The following NBEA variants were observed in gnomAD, a reference collection of about 807,000 sequenced individuals.
NBEA encodes neurobeachin.
A neutral mutation model predicts 343.4 loss-of-function variants in NBEA; 44 were observed. The ratio of observed to expected loss-of-function variants is 0.13; its 90% confidence interval spans 0.10 to 0.16. The LOEUF (loss-of-function observed/expected upper bound fraction) is 0.16. NBEA is among the 10% of genes least tolerant of loss of function. NBEA has a pLI of 1.00. For missense variants in NBEA, 2,555 were observed against 3,631.3 expected, an observed-to-expected ratio of 0.70 and a Z score of 7.62; for synonymous variants, 1,175 against 1,238.7, an observed-to-expected ratio of 0.95 and a Z score of 1.08.
intron 18 of NBEA, among the ~76,000 whole-genome samples, chr13:35,144,468 C>T (rs73167776): frequency 6.6e-6 from 1 of 152,230 alleles, no homozygotes; most frequent in Non-Finnish European, 1.5e-5. Context: ...TTAGCCTTAG[C>T]TATCTTGGCT....
intron 38 of NBEA, among the ~76,000 whole-genome samples, chr13:35,360,655 A>T (rs2040758778): frequency 6.6e-6 from 1 of 152,108 alleles, no homozygotes; most frequent in African/African-American, 2.4e-5. Flanking sequence ...CAGCTAGGAA[A>T]TAAAAAGTAT....
chr13:34,961,865 G>T (rs1180724399), intron 1 of NBEA, among the ~76,000 whole-genome samples: 1 of 151,986 alleles, frequency 6.6e-6, no homozygotes, highest in Non-Finnish European at 1.5e-5. Flanking sequence ...GTCCAGCATG[G>T]CGGCCACTAG....
At chr13:35,207,144 A>G (rs1394315239) in intron 31 of NBEA, among the ~76,000 whole-genome samples, 14 of 151,950 alleles carry the variant, frequency 9.2e-5, no homozygotes, top group Admixed American at 9.2e-4. Context: ...AAGTATTTCT[A>G]AAATTAAGAA....
At chr13:35,144,483 T>A (rs188062739) in intron 18 of NBEA, among the ~76,000 whole-genome samples, 58 of 152,298 alleles carry the variant, frequency 3.8e-4, no homozygotes, top group African/African-American at 1.2e-3. Context: ...TTGGCTCTCA[T>A]CCTGGCTTTT....
intron 1 of NBEA, among the ~76,000 whole-genome samples, chr13:35,002,913 C>A (rs1350467335): frequency 6.6e-6 from 1 of 152,112 alleles, no homozygotes; most frequent in Non-Finnish European, 1.5e-5. Context: ...TGAGGCAAAA[C>A]TTTGTAGCCC....
chr13:35,574,449 T>C (rs978123256), intron 45 of NBEA, among the ~76,000 whole-genome samples: 14 of 151,392 alleles, frequency 9.2e-5, no homozygotes, highest in Non-Finnish European at 8.8e-5. Flanking sequence ...CTCCCTATTA[T>C]CCAGTAAGAA....
chr13:35,330,141 G>T (rs960869471), intron 36 of NBEA, among the ~76,000 whole-genome samples: 4 of 152,000 alleles, frequency 2.6e-5, no homozygotes, highest in Non-Finnish European at 5.9e-5. Flanking sequence ...GTGCCTTTGA[G>T]CAAGTTACTT....
At chr13:35,574,396 C>T (rs199603602) in intron 45 of NBEA, among the ~76,000 whole-genome samples, 1 of 135,152 alleles carries the variant, frequency 7.4e-6, no homozygotes, top group African/African-American at 2.8e-5. Context: ...AAAAGAAAAA[C>T]AAAAGAAAAA....
chr13:35,608,944 T>C (rs1364094280), intron 48 of NBEA, among the ~76,000 whole-genome samples: 1 of 152,228 alleles, frequency 6.6e-6, no homozygotes, highest in African/African-American at 2.4e-5. Context: ...TTATACTCTT[T>C]CCAGTATGCC....
At chr13:35,142,432 T>G in intron 18 of NBEA, 55 bp downstream of exon 18, 1 of 1,283,900 alleles carries the variant, frequency 7.8e-7, no homozygotes, top group South Asian at 1.3e-5. Context: ...GGAAACCCTC[T>G]TAATCTATGC....
intron 1 of NBEA, among the ~76,000 whole-genome samples, chr13:34,994,036 A>G (rs914737954): frequency 8.6e-5 from 13 of 151,740 alleles, no homozygotes; most frequent in Non-Finnish European, 1.9e-4. Context: ...CGTCTCTACT[A>G]AAAATACAAG....
intron 45 of NBEA, among the ~76,000 whole-genome samples, chr13:35,579,683 A>G (rs2080919430): frequency 6.6e-6 from 1 of 152,150 alleles, no homozygotes. Context: ...GCACTGGAAT[A>G]AACACATTTA....
intron 45 of NBEA, among the ~76,000 whole-genome samples, chr13:35,579,206 CTT>C (rs1474694770): frequency 6.6e-6 from 1 of 151,910 alleles, no homozygotes; most frequent in Admixed American, 6.6e-5. Context: ...CCTTGACAAA[CTT>C]TTTTTTCTTG....
intron 1 of NBEA, among the ~76,000 whole-genome samples, chr13:34,994,821 C>G (rs919194265): frequency 1.3e-5 from 2 of 152,174 alleles, no homozygotes; most frequent in African/African-American, 4.8e-5. Context: ...TTCTGAGACT[C>G]TTGTGCATAT....
intron 1 of NBEA, among the ~76,000 whole-genome samples, chr13:34,966,958 CTT>C (rs576261074): frequency 6.9e-5 from 9 of 131,166 alleles, no homozygotes; most frequent in East Asian, 2.2e-4. Context: ...ACTAACCTTT[CTT>C]TTTTTTTTTT....
intron 39 of NBEA, among the ~76,000 whole-genome samples, chr13:35,449,030 T>C (rs774390973): frequency 1.9e-4 from 29 of 152,234 alleles, no homozygotes; most frequent in African/African-American, 6.5e-4. Context: ...GGGAATAACA[T>C]TAGCATGGGT....
At chr13:35,631,793 TA>T (rs1346921156) in intron 49 of NBEA, among the ~76,000 whole-genome samples, 1 of 152,168 alleles carries the variant, frequency 6.6e-6, no homozygotes, top group Non-Finnish European at 1.5e-5. Flanking sequence ...ATTATGGCAT[TA>T]AAATGTCAAG....
intron 8 of NBEA, among the ~76,000 whole-genome samples, chr13:35,063,777 C>T (rs955925078): frequency 1.1e-4 from 16 of 151,840 alleles, no homozygotes; most frequent in Admixed American, 3.3e-4. Context: ...TATTGAGACT[C>T]GATTAGATTT....
At position 35,643,641 on chromosome 13, in the gene NBEA, A is replaced by G. The variant is rs565691296; in HGVS notation, c.7618-2228A>G. On this transcript the variant is annotated intron_variant, in intron 49 of 58. Transcript: ENST00000379939. ...CATAAATAATTGTGTGTTAAAATCT[A>G]TAGTAAAGGAGAAAAATGTGCTGTG... 3.3e-5 allele frequency among the ~76,000 whole-genome samples: 5 copies of G among 152,332 alleles called. No homozygotes were observed. The South Asian group carries it at 6.2e-4, about 19-fold the overall frequency.
Sources: gnomAD v4.1 joint callset for allele counts (sites outside exome capture counted in the v4.1 genomes callset) on GRCh38, gnomAD v4.1.1 for gene constraint, MANE v1.5 for transcripts, NCBI Gene and HGNC (gene_info 2026-07-23, HGNC 2026-07-21) for gene names.